PATJ: variants seen among roughly 807,000 people sequenced by gnomAD.
PATJ encodes the protein inaD-like protein.
PATJ carries 190 observed loss-of-function variants against 224.9 expected under a neutral mutation model. The ratio of observed to expected loss-of-function variants is 0.84; its 90% CI spans 0.75 to 0.95. PATJ has a LOEUF of 0.95. Among genes scored for constraint, PATJ ranks in the 40% least tolerant of loss-of-function variants. The pLI, the probability that PATJ is intolerant of heterozygous loss-of-function variation, is 0.00. For synonymous variants in PATJ, 769 were observed against 820.3 expected (o/e 0.94, Z 1.07); for missense variants, 2,121 against 2,270.3 (o/e 0.93, Z 1.34).
chr1:61,806,994 A>G (rs887653003), intron 13 of PATJ, among the ~76,000 whole-genome samples: 4 of 151,968 alleles, frequency 2.6e-5, no homozygotes, highest in Non-Finnish European at 4.4e-5. Flanking sequence ...TCTACTAAAA[A>G]TACAGAAATT....
chr1:61,856,684 G>T (rs1481113879), intron 18 of PATJ, among the ~76,000 whole-genome samples: 1 of 152,120 alleles, frequency 6.6e-6, no homozygotes, highest in East Asian at 1.9e-4. Flanking sequence ...CACTTCCTGG[G>T]TTCAAGCGAT....
chr1:61,785,112 A>T (rs1047548928), intron 7 of PATJ, among the ~76,000 whole-genome samples: 12 of 152,316 alleles, frequency 7.9e-5, no homozygotes, highest in Non-Finnish European at 1.3e-4. Context: ...AGGGTTTTTT[A>T]AAAAACTTCT....
At chr1:61,761,879 A>G (rs4450044) in intron 1 of PATJ, among the ~76,000 whole-genome samples, 40,507 of 151,380 alleles carry the variant, frequency 0.27, 5,627 homozygotes, top group East Asian at 0.43. Context: ...GTAGAGATGG[A>G]ATCTCACTGT....
At chr1:61,961,944 G>A (rs1681352431) in intron 27 of PATJ, among the ~76,000 whole-genome samples, 1 of 150,492 alleles carries the variant, frequency 6.6e-6, no homozygotes, top group Non-Finnish European at 1.5e-5. Context: ...ACTCCAGCCT[G>A]GGCGACAAGA....
intron 27 of PATJ, among the ~76,000 whole-genome samples, chr1:61,938,450 G>A (rs1677233938): frequency 6.6e-6 from 1 of 152,134 alleles, no homozygotes; most frequent in African/African-American, 2.4e-5. Flanking sequence ...CTACCTGGAT[G>A]ACAGGGATCT....
chr1:62,058,907 T>C (rs1261262534), intron 31 of PATJ, among the ~76,000 whole-genome samples: 1 of 152,244 alleles, frequency 6.6e-6, no homozygotes, highest in Non-Finnish European at 1.5e-5. Context: ...ATTTAGTCTA[T>C]GCAACATTCT....
intron 27 of PATJ, chr1:61,952,282 A>C: frequency 3.8e-6 from 1 of 263,572 alleles, no homozygotes; most frequent in Non-Finnish European, 7.0e-6. Flanking sequence ...GAGAGAGAAA[A>C]ATAGGCCCAA....
chr1:62,148,124 A>AAAAAAAAG (rs1668251884), intron 41 of PATJ, among the ~76,000 whole-genome samples, 160 bp from the exon 42 acceptor site: 1 of 140,602 alleles, frequency 7.1e-6, no homozygotes, highest in African/African-American at 2.7e-5. Context: ...CTGTCTTTAA[A>AAAAAAAAG]AAAAAAAAAA....
intron 30 of PATJ, among the ~76,000 whole-genome samples, chr1:62,042,972 T>C (rs940683724): frequency 1.3e-5 from 2 of 152,196 alleles, no homozygotes; most frequent in African/African-American, 4.8e-5. Flanking sequence ...TATGTGTCAA[T>C]GTTCTAGACC....
intron 33 of PATJ, among the ~76,000 whole-genome samples, chr1:62,103,613 G>A (rs562535952): frequency 6.6e-6 from 1 of 152,268 alleles, no homozygotes; most frequent in East Asian, 1.9e-4. Flanking sequence ...AATTGGCCGA[G>A]TATGGTGGCA....
At position 62,026,847 on chromosome 1, in the gene PATJ, A is replaced by G. The variant is rs185566416; in HGVS notation, c.3959+8900A>G. On this transcript the variant is annotated intron_variant, in intron 29 of 43. Coordinates refer to ENST00000642238, the MANE Select transcript of PATJ (RefSeq NM_001350145.3). The stretch of plus-strand genomic sequence containing the variant: ...CACAATTTCACCATAGGACCCAGCA[A>G]CTCTACTTGTGGAGTATATATCCAA... 2.3e-3 allele frequency among the ~76,000 whole-genome samples: 346 copies of G among 152,152 alleles called. 2 individuals are homozygous for G. The highest frequency in any genetic ancestry group is 7.7e-3 in the African/African-American group (318 of 41,500).
intron 17 of PATJ, among the ~76,000 whole-genome samples, chr1:61,847,980 C>T (rs1018557105): frequency 2.0e-5 from 3 of 151,944 alleles, no homozygotes; most frequent in Non-Finnish European, 4.4e-5. Flanking sequence ...GTTTTGTGAC[C>T]AAAATGTACA....
chr1:62,004,911 G>A (rs1213285727), intron 28 of PATJ, among the ~76,000 whole-genome samples: 3 of 152,104 alleles, frequency 2.0e-5, no homozygotes, highest in Admixed American at 1.3e-4. Context: ...TGGTAAATAG[G>A]TTGCATGAAA....
At chr1:61,943,821 G>C (rs1678222127) in intron 27 of PATJ, among the ~76,000 whole-genome samples, 1 of 152,180 alleles carries the variant, frequency 6.6e-6, no homozygotes, top group African/African-American at 2.4e-5. Flanking sequence ...TAGCCTAACT[G>C]GGAGGCACCT....
At chr1:62,061,748 C>G (rs925731945) in intron 31 of PATJ, among the ~76,000 whole-genome samples, 14 of 151,936 alleles carry the variant, frequency 9.2e-5, no homozygotes, top group African/African-American at 2.7e-4. Context: ...CAAGCTCCGC[C>G]TCCCAGGTTC....
At chr1:61,992,306 T>C (rs1819472) in intron 28 of PATJ, among the ~76,000 whole-genome samples, 46,063 of 151,794 alleles carry the variant, frequency 0.3, 7,551 homozygotes, top group East Asian at 0.45. Flanking sequence ...TTAGTAGAGA[T>C]GGGGTTTCTC....
intron 7 of PATJ, among the ~76,000 whole-genome samples, chr1:61,779,632 G>A (rs529172764): frequency 1.2e-4 from 19 of 152,210 alleles, no homozygotes; most frequent in South Asian, 6.2e-4. Context: ...GATAATGAGC[G>A]TATTCATTAC....
intron 22 of PATJ, among the ~76,000 whole-genome samples, chr1:61,887,742 A>G (rs944566520): frequency 1.3e-5 from 2 of 152,170 alleles, no homozygotes; most frequent in Non-Finnish European, 2.9e-5. Flanking sequence ...GTGCGGCGTG[A>G]CAAAGGAAGC....
intron 28 of PATJ, among the ~76,000 whole-genome samples, chr1:62,005,990 ATAAT>A (rs1275461373): frequency 1.3e-5 from 2 of 152,216 alleles, no homozygotes; most frequent in Non-Finnish European, 2.9e-5. Flanking sequence ...TAATTTTTAT[ATAAT>A]TAATATTTCC....
Sources: gnomAD v4.1 joint callset for allele counts (sites outside exome capture counted in the v4.1 genomes callset) on GRCh38, gnomAD v4.1.1 for gene constraint, MANE v1.5 for transcripts, NCBI Gene and HGNC (gene_info 2026-07-23, HGNC 2026-07-21) for gene names.